The following SHISA9 variants were observed in gnomAD, a reference collection of about 807,000 sequenced individuals.
The protein encoded by SHISA9 is shisa family member 9.
Under a neutral mutation model 38.0 loss-of-function variants are expected in SHISA9, and 13 were observed. The ratio of observed to expected loss-of-function variants is 0.34; its 90% confidence interval spans 0.22 to 0.54. SHISA9 has a LOEUF of 0.54. SHISA9 is among the 20% of genes least tolerant of loss of function. The pLI is 0.91. For missense variants in SHISA9, 538 were observed against 575.8 expected, an observed-to-expected ratio of 0.93 and a Z score of 0.67; for synonymous variants, 275 against 242.0, an observed-to-expected ratio of 1.14 and a Z score of -1.27.
the SHISA9 span, among the ~76,000 whole-genome samples, chr16:13,405,942 A>T: frequency 2.0e-5 from 1 of 50,366 alleles, no homozygotes; most frequent in African/African-American, 8.1e-5. Flanking sequence ...AAATCATGAC[A>T]AAAAAAAAAA....
intron 2 of SHISA9, among the ~76,000 whole-genome samples, chr16:13,175,210 AAAAG>A (rs919640003): frequency 1.5e-4 from 23 of 152,102 alleles, no homozygotes; most frequent in Admixed American, 3.9e-4. Flanking sequence ...CTCCAAAAAA[AAAAG>A]AAAGAAAAAA....
At chr16:13,522,497 T>TCCC in the SHISA9 span, among the ~76,000 whole-genome samples, 151 of 151,162 alleles carry the variant, frequency 1.0e-3, no homozygotes, top group African/African-American at 3.5e-3. Context: ...CAGTGAGGAG[T>TCCC]CCCCCCCCGA....
Position 13,203,454 on chromosome 16 carries a change from C to T in SHISA9, c.752C>T (p.Pro251Leu). The change falls in exon 3 of 5, where the codon CCA (proline) becomes CTA (leucine). Residue 251 changes from proline (P) to leucine (L), a missense_variant. Physicochemically the swap from Pro to Leu is moderately conservative, Grantham distance 98. Around this residue, in one of 4 missense-constraint regions of SHISA9, gnomAD observed 326 missense variants for 305.9 expected, o/e 1.07. Transcript: ENST00000558583. ...TSPLLQQMGHPHSYPNLGQIS... is the reference protein window; with the variant it reads ...TSPLLQQMGHLHSYPNLGQIS... ...CCTCTGCTCCAGCAGATGGGCCATCCACATTCGTACCCGAACCTGGGCCAG... is the reference window on the plus strand; with the variant it reads ...CCTCTGCTCCAGCAGATGGGCCATCTACATTCGTACCCGAACCTGGGCCAG... 1 of 1,551,284 alleles carries T rather than the reference C, an allele frequency of 6.4e-7. No individual in the cohort carries two copies. Among genetic ancestry groups the T allele is most frequent in the Non-Finnish European group, 8.7e-7 (1 of 1,146,708 alleles).
At chr16:13,254,481 G>A in the SHISA9 span, among the ~76,000 whole-genome samples, 1 of 152,220 alleles carries the variant, frequency 6.6e-6, no homozygotes, top group African/African-American at 2.4e-5. Flanking sequence ...AGAGTTTAGG[G>A]AATCCCAGGA....
chr16:13,272,978 T>C, the SHISA9 span, among the ~76,000 whole-genome samples: 2 of 152,168 alleles, frequency 1.3e-5, no homozygotes, highest in Non-Finnish European at 1.5e-5. Context: ...CAACTGGGGT[T>C]ATTGCTTTCT....
chr16:12,915,321 A>T (rs114566420), intron 1 of SHISA9, among the ~76,000 whole-genome samples: 1,608 of 152,262 alleles, frequency 0.011, 30 homozygotes, highest in African/African-American at 0.036. Flanking sequence ...AAAACAAAGT[A>T]GCTGGGGGTG....
chr16:13,459,771 G>A, the SHISA9 span, among the ~76,000 whole-genome samples: 5 of 152,172 alleles, frequency 3.3e-5, no homozygotes, highest in Non-Finnish European at 5.9e-5. Flanking sequence ...TAACTTAGAA[G>A]CAAAGGACAA....
the SHISA9 span, among the ~76,000 whole-genome samples, chr16:13,334,332 G>A: frequency 6.6e-6 from 1 of 152,192 alleles, no homozygotes; most frequent in Non-Finnish European, 1.5e-5. Flanking sequence ...GAACACATGT[G>A]GCTGACTATG....
chr16:13,168,758 A>G (rs573963762), intron 2 of SHISA9, among the ~76,000 whole-genome samples: 1 of 152,338 alleles, frequency 6.6e-6, no homozygotes, highest in South Asian at 2.1e-4. Context: ...GGACAGTGAC[A>G]TCGGAAGTGC....
the SHISA9 span, among the ~76,000 whole-genome samples, chr16:13,433,687 G>C: frequency 6.6e-6 from 1 of 152,180 alleles, no homozygotes; most frequent in Admixed American, 6.5e-5. Flanking sequence ...TGAAAAAGGA[G>C]GCTTTGGGTA....
chr16:13,013,080 C>G (rs530880470), intron 2 of SHISA9, among the ~76,000 whole-genome samples: 1 of 152,154 alleles, frequency 6.6e-6, no homozygotes, highest in Non-Finnish European at 1.5e-5. Flanking sequence ...AGTTAAAGGC[C>G]GAGGAAGCAG....
At chr16:13,264,294 C>T in the SHISA9 span, among the ~76,000 whole-genome samples, 1 of 151,742 alleles carries the variant, frequency 6.6e-6, no homozygotes, top group Non-Finnish European at 1.5e-5. Flanking sequence ...TGTGCCTCAG[C>T]CTCCCAAATA....
At chr16:13,120,928 A>G (rs1284514584) in intron 2 of SHISA9, among the ~76,000 whole-genome samples, 1 of 152,066 alleles carries the variant, frequency 6.6e-6, no homozygotes, top group African/African-American at 2.4e-5. Flanking sequence ...CTGCCAAGGG[A>G]GAGAGCTGTG....
At chr16:13,050,028 T>C (rs1176060409) in intron 2 of SHISA9, among the ~76,000 whole-genome samples, 1 of 152,136 alleles carries the variant, frequency 6.6e-6, no homozygotes, top group Non-Finnish European at 1.5e-5. Flanking sequence ...CTTGGAGGTG[T>C]CAAACTAAAT....
At chr16:13,406,840 G>A in the SHISA9 span, among the ~76,000 whole-genome samples, 13 of 152,084 alleles carry the variant, frequency 8.5e-5, no homozygotes, top group East Asian at 1.4e-3. Context: ...AGGCTGAGGC[G>A]GGCAGATCAT....
chr16:13,307,353 A>G, the SHISA9 span, among the ~76,000 whole-genome samples: 1 of 152,022 alleles, frequency 6.6e-6, no homozygotes, highest in Admixed American at 6.6e-5. Context: ...TTCTGCTGCT[A>G]TTTCCTCCTG....
the SHISA9 span, among the ~76,000 whole-genome samples, chr16:13,512,250 C>A: frequency 2.9e-4 from 44 of 152,200 alleles, no homozygotes; most frequent in Non-Finnish European, 6.0e-4. Flanking sequence ...GAATGCAAAT[C>A]CCTGGTAATT....
chr16:13,364,342 C>T, the SHISA9 span, among the ~76,000 whole-genome samples: 4 of 152,136 alleles, frequency 2.6e-5, no homozygotes, highest in African/African-American at 4.8e-5. Context: ...CTGCTGAAGA[C>T]GTTGAATCAT....
At chr16:13,302,307 A>T in the SHISA9 span, among the ~76,000 whole-genome samples, 1 of 152,188 alleles carries the variant, frequency 6.6e-6, no homozygotes, top group Non-Finnish European at 1.5e-5. Flanking sequence ...CTGTGAGTGC[A>T]TGCGTCTATA....
Sources: allele counts gnomAD v4.1 joint callset (sites outside exome capture counted in the v4.1 genomes callset), GRCh38; gene constraint gnomAD v4.1.1; regional missense constraint gnomAD v4.1.1; transcripts MANE v1.5; gene names NCBI Gene and HGNC (gene_info 2026-07-23, HGNC 2026-07-21).